The following CYP3A43 variants were observed in gnomAD, a reference collection of about 807,000 sequenced individuals.
CYP3A43 encodes the protein cytochrome P450 3A43.
CYP3A43 carries 45 observed loss-of-function variants against 58.0 expected under a neutral mutation model. The ratio of observed to expected loss-of-function variants is 0.78; its 90% CI spans 0.61 to 0.99. The LOEUF is 0.99. CYP3A43 is among the 50% of genes least tolerant of loss of function. CYP3A43 has a pLI of 0.00. For missense variants in CYP3A43, 593 were observed against 591.9 expected (o/e 1.00, Z -0.02); for synonymous variants, 191 against 201.4 (o/e 0.95, Z 0.44).
intron 4 of CYP3A43, 143 bp from the exon 5 acceptor site, chr7:99,847,345 T>G: frequency 1.4e-6 from 1 of 711,938 alleles, no homozygotes; most frequent in African/African-American, 1.8e-5. Context: ...AAATCTTTAT[T>G]GAGCATCTAG....
At chr7:99,849,950 T>A (rs1243256935) in intron 7 of CYP3A43, 9 of 486,648 alleles carry the variant, frequency 1.8e-5, no homozygotes, top group South Asian at 4.8e-5. Flanking sequence ...CCAATCTTCC[T>A]CACCATTTTT....
At chr7:99,861,229 C>T (rs2151625710) in intron 10 of CYP3A43, among the ~76,000 whole-genome samples, 1 of 152,272 alleles carries the variant, frequency 6.6e-6, no homozygotes, top group South Asian at 2.1e-4. Context: ...TTGCTTTTTA[C>T]ATTTTCTTTT....
Position 99,863,613 on chromosome 7 carries a change from G to C in CYP3A43, c.1330G>C (p.Gly444Arg). The C allele has an allele frequency of 6.2e-7, 1 of 1,613,998 alleles. No individual in the cohort carries two copies. Among genetic ancestry groups the C allele is most frequent in the South Asian group, 1.1e-5 (1 of 91,038 alleles). Residue 444 changes from glycine (G) to arginine (R), a missense_variant, in exon 12 of 13, where the codon GGC becomes CGC. Transcript: ENST00000354829. ...TGGAGCTGGACCCCGAAACTGCATTGGCATGAGGTTTGCTCTCACAAACAT... is the reference window on the plus strand; with the variant it reads ...TGGAGCTGGACCCCGAAACTGCATTCGCATGAGGTTTGCTCTCACAAACAT... ...PFGAGPRNCI[G>R]MRFALTNIKL... is the part of the protein sequence containing the mutation.
At chr7:99,848,364 G>T in intron 6 of CYP3A43, 110 bp downstream of exon 6, 3 of 1,192,372 alleles carry the variant, frequency 2.5e-6, no homozygotes, top group Non-Finnish European at 3.6e-6. Flanking sequence ...CAAAAGCAGG[G>T]CTGTGGTGTT....
chr7:99,847,669 A>T (rs1219366069), intron 5 of CYP3A43, 68 bp downstream of exon 5: 4 of 1,597,884 alleles, frequency 2.5e-6, no homozygotes, highest in Admixed American at 1.7e-5. Context: ...AGTAAGTATC[A>T]TCATAGTTCC....
rs4646472 is a variant in CYP3A43, at chr7:99,842,676, A to G, written c.219-1467A>G. Among the ~76,000 whole-genome samples the G allele has an allele frequency of 8.5e-5, 13 of 152,368 alleles. No homozygotes were observed. The East Asian group carries it at 2.5e-3, about 29-fold the overall frequency. ...ACTCACTATGCCAAAATGAAAAGTT[A>G]TGGTTGGAAACTGAGTCATGCAATA... On this transcript the variant is annotated intron_variant, in intron 3 of 12. Coordinates refer to ENST00000354829, the MANE Select transcript of CYP3A43 (RefSeq NM_057095.3).
chr7:99,857,559 G>A (rs1818031703), intron 9 of CYP3A43, among the ~76,000 whole-genome samples: 1 of 152,014 alleles, frequency 6.6e-6, no homozygotes, highest in Admixed American at 6.6e-5. Flanking sequence ...GCAGGAAGTG[G>A]AGGCTGGGCA....
intron 5 of CYP3A43, 93 bp from the exon 6 acceptor site, chr7:99,848,073 A>T: frequency 7.9e-7 from 1 of 1,272,556 alleles, no homozygotes; most frequent in Non-Finnish European, 1.1e-6. Flanking sequence ...GTGAGTCATT[A>T]CAAAATATCA....
chr7:99,850,981 A>G (rs1218762176), intron 7 of CYP3A43, among the ~76,000 whole-genome samples: 2 of 152,148 alleles, frequency 1.3e-5, no homozygotes, highest in South Asian at 2.1e-4. Context: ...ATCCTTGCCA[A>G]CTTGGCGAAA....
chr7:99,855,323 T>G (rs925028911), intron 7 of CYP3A43, among the ~76,000 whole-genome samples: 1 of 152,218 alleles, frequency 6.6e-6, no homozygotes, highest in African/African-American at 2.4e-5. Flanking sequence ...AATTTAATTC[T>G]GTTCCTTTGG....
rs185288668 is a variant in CYP3A43, at chr7:99,831,473, A to G, written c.71+3287A>G. 7.1e-4 allele frequency among the ~76,000 whole-genome samples: 108 copies of G among 152,338 alleles called. 2 individuals are homozygous for G. Among genetic ancestry groups the G allele is most frequent in the Admixed American group, 6.8e-3 (104 of 15,310 alleles). ...TTTATGCATACCATAATTTTCAGCCACACTTTCCTAACTTACCCTTATAGG... is the reference window on the plus strand; with the variant it reads ...TTTATGCATACCATAATTTTCAGCCGCACTTTCCTAACTTACCCTTATAGG... On this transcript the variant is annotated intron_variant, in intron 1 of 12. Coordinates refer to ENST00000354829, the MANE Select transcript of CYP3A43 (RefSeq NM_057095.3).
chr7:99,853,113 G>A (rs1341493439), intron 7 of CYP3A43, among the ~76,000 whole-genome samples: 1 of 152,166 alleles, frequency 6.6e-6, no homozygotes, highest in Non-Finnish European at 1.5e-5. Flanking sequence ...TGGCCTTATA[G>A]AATGAATTTG....
At chr7:99,839,236 G>C (rs1817229015) in intron 3 of CYP3A43, 64 bp downstream of exon 3, 17 of 1,589,306 alleles carry the variant, frequency 1.1e-5, no homozygotes, top group Non-Finnish European at 1.5e-5. Context: ...TTACTGCAGA[G>C]AGAACAATCT....
chr7:99,838,650 T>G, intron 2 of CYP3A43: 1 of 1,285,924 alleles, frequency 7.8e-7, no homozygotes, highest in Non-Finnish European at 1.0e-6. Context: ...TCAAATATCT[T>G]CTGTATTTTC....
chr7:99,844,086 T>G (rs1411488587), intron 3 of CYP3A43, 57 bp from the exon 4 acceptor site: 2 of 1,376,622 alleles, frequency 1.5e-6, no homozygotes, highest in Non-Finnish European at 2.0e-6. Flanking sequence ...TTTGGTGTGG[T>G]TCCAGCTGCA....
At chr7:99,837,318 CA>C (rs35566033) in intron 2 of CYP3A43, among the ~76,000 whole-genome samples, 90 of 66,718 alleles carry the variant, frequency 1.3e-3, no homozygotes, top group East Asian at 3.5e-3. Context: ...GACTGTGTCT[CA>C]AAAAAAAAAA....
Position 99,859,877 on chromosome 7 carries a change from G to C in CYP3A43, c.913G>C (p.Ala305Pro), listed in dbSNP as rs753580862. 12 of 1,613,902 alleles carry C rather than the reference G, an allele frequency of 7.4e-6. No individual in the cohort carries two copies. Among genetic ancestry groups the C allele is most frequent in the Middle Eastern group, 1.6e-4 (1 of 6,084 alleles). Reference sequence around the variant, plus strand: ...GGCCCAGTCAATTATCATCATTTTTGCTGCCTATGACACAACTAGCACCAC... The same window carrying C: ...GGCCCAGTCAATTATCATCATTTTTCCTGCCTATGACACAACTAGCACCAC... Reference protein sequence around the residue: ...LVAQSIIIIFAAYDTTSTTLP... With the variant: ...LVAQSIIIIFPAYDTTSTTLP... The change falls in exon 10 of 13, where the codon GCT becomes CCT. Residue 305 changes from alanine to proline, a missense_variant. Ala to Pro is a conservative substitution (Grantham distance 27). Coordinates refer to ENST00000354829, the MANE Select transcript of CYP3A43 (RefSeq NM_057095.3).
chr7:99,837,328 A>AAAAG (rs1554442618), intron 2 of CYP3A43, among the ~76,000 whole-genome samples: 1 of 151,468 alleles, frequency 6.6e-6, no homozygotes, highest in African/African-American at 2.4e-5. Flanking sequence ...CAAAAAAAAA[A>AAAAG]AAAAAAAGAA....
chr7:99,833,786 C>CAACT (rs1816946908), intron 1 of CYP3A43, among the ~76,000 whole-genome samples: 1 of 152,202 alleles, frequency 6.6e-6, no homozygotes, highest in African/African-American at 2.4e-5. Context: ...GTTAATGCCA[C>CAACT]AACTGTGCGG....
Sources: allele counts gnomAD v4.1 joint callset (sites outside exome capture counted in the v4.1 genomes callset), GRCh38; gene constraint gnomAD v4.1.1; transcripts MANE v1.5; gene names NCBI Gene and HGNC (gene_info 2026-07-23, HGNC 2026-07-21).